FGD5: variants seen among roughly 807,000 people sequenced by gnomAD.
FGD5 encodes FYVE, RhoGEF and PH domain containing 5.
FGD5 carries 28 observed loss-of-function variants against 133.4 expected under a neutral mutation model. The ratio of observed to expected loss-of-function variants is 0.21; its 90% CI spans 0.16 to 0.29. The LOEUF is 0.29. Among genes scored for constraint, FGD5 ranks in the 10% least tolerant of loss-of-function variants. The pLI is 1.00. For synonymous variants in FGD5, 810 were observed against 776.5 expected (o/e 1.04, Z -0.72); for missense variants, 1,858 against 1,895.2 (o/e 0.98, Z 0.36).
chr3:14,856,117 C>T (rs903857508), intron 1 of FGD5, among the ~76,000 whole-genome samples: 4 of 152,044 alleles, frequency 2.6e-5, no homozygotes, highest in African/African-American at 9.6e-5. Context: ...TTTTCCCAGA[C>T]CCATTTAGAC....
intron 4 of FGD5, among the ~76,000 whole-genome samples, chr3:14,889,971 G>A (rs796254173): frequency 6.6e-6 from 1 of 152,150 alleles, no homozygotes; most frequent in African/African-American, 2.4e-5. Flanking sequence ...CTCTCAATCT[G>A]TGACTTCCTT....
chr3:14,837,404 C>G (rs2036836516), intron 1 of FGD5, among the ~76,000 whole-genome samples: 1 of 152,158 alleles, frequency 6.6e-6, no homozygotes, highest in Non-Finnish European at 1.5e-5. Flanking sequence ...TCCACCATTC[C>G]TTGGTGACAG....
intron 11 of FGD5, 85 bp downstream of exon 11, chr3:14,911,014 TA>T: frequency 1.5e-6 from 2 of 1,330,692 alleles, no homozygotes; most frequent in Non-Finnish European, 2.1e-6. Flanking sequence ...ACAAGTGGAA[TA>T]GGGTGAGAGG....
At chr3:14,840,853 G>A (rs974897793) in intron 1 of FGD5, among the ~76,000 whole-genome samples, 3 of 152,140 alleles carry the variant, frequency 2.0e-5, no homozygotes, top group Admixed American at 6.5e-5. Flanking sequence ...GTGTCCTGTC[G>A]TGCACAAGAT....
At position 14,864,278 on chromosome 3, in the gene FGD5, T is replaced by A. The variant is rs1288994847; in HGVS notation, c.2658+18T>A. 4 of 1,613,728 alleles carry A rather than the reference T, an allele frequency of 2.5e-6. No individual in the cohort carries two copies. Among genetic ancestry groups the A allele is most frequent in the Non-Finnish European group, 3.4e-6 (4 of 1,179,740 alleles). ...CCCACAAGGTAGGGCACCCCACAGG[T>A]AGGCCGTGGGCATCGGAGACGTGAG... On this transcript the variant is annotated intron_variant, in intron 2 of 19. Transcript: ENST00000285046.
chr3:14,850,162 G>A (rs544748577), intron 1 of FGD5, among the ~76,000 whole-genome samples: 153 of 152,300 alleles, frequency 1.0e-3, no homozygotes, highest in African/African-American at 3.5e-3. Flanking sequence ...CCAGAGCGGA[G>A]GTTGCAGGAG....
At chr3:14,864,079 C>T in intron 1 of FGD5, 49 bp from the exon 2 acceptor site, 1 of 1,588,768 alleles carries the variant, frequency 6.3e-7, no homozygotes, top group Non-Finnish European at 8.6e-7. Context: ...TTCACTTTGC[C>T]TATGCTAAAC....
At chr3:14,909,001 A>G (rs1052012109) in intron 10 of FGD5, among the ~76,000 whole-genome samples, 3 of 146,502 alleles carry the variant, frequency 2.0e-5, no homozygotes, top group Admixed American at 2.0e-4. Flanking sequence ...TTTGAGCTGG[A>G]GTTTAGCTCT....
intron 1 of FGD5, among the ~76,000 whole-genome samples, chr3:14,852,583 C>T (rs948717370): frequency 4.6e-5 from 7 of 152,290 alleles, no homozygotes; most frequent in African/African-American, 1.4e-4. Flanking sequence ...ATATGTGACT[C>T]ATATCTCATT....
At position 14,910,405 on chromosome 3, in the gene FGD5, A is replaced by G. The variant is rs1325132993; in HGVS notation, c.3337-456A>G. Among the ~76,000 whole-genome samples, 18 of 152,162 alleles carry G rather than the reference A, an allele frequency of 1.2e-4. 1 individual carries two copies. The highest frequency in any genetic ancestry group is 2.6e-4 in the Non-Finnish European group (18 of 68,038). On this transcript the variant is annotated intron_variant, in intron 10 of 19. Coordinates refer to ENST00000285046, the MANE Select transcript of FGD5 (RefSeq NM_152536.4). ...CAGCTTTCCTGTGATTGTGATTTTC[A>G]GAATTTTGTGAGTGTTTTGTTTTTT...
At chr3:14,822,794 T>C (rs1416640677) in intron 1 of FGD5, among the ~76,000 whole-genome samples, 2 of 152,222 alleles carry the variant, frequency 1.3e-5, no homozygotes, top group Non-Finnish European at 2.9e-5. Context: ...GTGCAGAAAC[T>C]TAAACCAGTC....
chr3:14,843,771 A>T (rs2036972274), intron 1 of FGD5, among the ~76,000 whole-genome samples: 1 of 146,960 alleles, frequency 6.8e-6, no homozygotes, highest in Non-Finnish European at 1.5e-5. Flanking sequence ...GCTTACTGCA[A>T]CCTCTGCCTC....
chr3:14,853,929 A>G (rs1035748965), intron 1 of FGD5, among the ~76,000 whole-genome samples: 1 of 148,652 alleles, frequency 6.7e-6, no homozygotes, highest in Non-Finnish European at 1.5e-5. Context: ...TATTCCCTTT[A>G]CAGCACAAGT....
At chr3:14,923,378 G>A in intron 16 of FGD5, 1 of 678,960 alleles carries the variant, frequency 1.5e-6, no homozygotes, top group Non-Finnish European at 2.4e-6. Context: ...GTCCCCAGAA[G>A]AAGAGCTCTG....
intron 11 of FGD5, among the ~76,000 whole-genome samples, chr3:14,912,103 G>A (rs2038460316): frequency 6.6e-6 from 1 of 152,102 alleles, no homozygotes; most frequent in Non-Finnish European, 1.5e-5. Context: ...TTCTGCTCGT[G>A]AGTGGGGTCT....
Position 14,864,112 on chromosome 3 carries a change from C to G in FGD5, c.2526-16C>G, listed in dbSNP as rs1482344054. On this transcript the variant is annotated splice_polypyrimidine_tract_variant and intron_variant, in intron 1 of 19. Transcript: ENST00000285046. The stretch of plus-strand genomic sequence containing the variant: ...AACAAAAAGCTTTAACCCTTCTTTC[C>G]CCTGCTTTGACCCAGCGCCTACACA... 6.2e-7 allele frequency: 1 copy of G among 1,608,582 alleles called. No individual in the cohort carries two copies. Among genetic ancestry groups the G allele is most frequent in the Non-Finnish European group, 8.5e-7 (1 of 1,176,070 alleles).
intron 2 of FGD5, among the ~76,000 whole-genome samples, chr3:14,869,668 C>G (rs2037566952): frequency 6.6e-6 from 1 of 152,216 alleles, no homozygotes; most frequent in Admixed American, 6.5e-5. Context: ...ACTCTAGGGA[C>G]TTCACATGAG....
At chr3:14,877,565 G>T (rs1479631464) in intron 2 of FGD5, among the ~76,000 whole-genome samples, 8 of 152,222 alleles carry the variant, frequency 5.3e-5, no homozygotes, top group African/African-American at 1.7e-4. Flanking sequence ...ATCTGAGAGG[G>T]GCTCGCCCAC....
intron 1 of FGD5, among the ~76,000 whole-genome samples, chr3:14,841,577 A>G (rs200766613): frequency 1.8e-5 from 2 of 110,278 alleles, no homozygotes; most frequent in Non-Finnish European, 3.8e-5. Context: ...TTTTTTTTTT[A>G]AGGATAAGAT....
Sources: gnomAD v4.1 joint callset for allele counts (sites outside exome capture counted in the v4.1 genomes callset) on GRCh38, gnomAD v4.1.1 for gene constraint, MANE v1.5 for transcripts, NCBI Gene and HGNC (gene_info 2026-07-23, HGNC 2026-07-21) for gene names.